Variants in DKK2 observed in about 807,000 individuals in gnomAD.
The protein encoded by DKK2 is dickkopf Wnt signaling pathway inhibitor 2.
In DKK2, 11 loss-of-function variants were observed where a neutral mutation model predicts 28.1. The observed-to-expected ratio is 0.39, with a 90% CI of 0.25 to 0.65. DKK2 has a LOEUF of 0.65. DKK2 is among the 30% of genes least tolerant of loss of function. DKK2 has a pLI of 0.47. For missense variants in DKK2, 326 were observed against 335.5 expected (o/e 0.97, Z 0.22); for synonymous variants, 135 against 126.5 (o/e 1.07, Z -0.45).
intron 1 of DKK2, among the ~76,000 whole-genome samples, chr4:106,961,807 C>A (rs1722689073): frequency 6.6e-6 from 1 of 152,128 alleles, no homozygotes; most frequent in South Asian, 2.1e-4. Context: ...AGTTACCGCA[C>A]CTCTCTGTGC....
intron 1 of DKK2, among the ~76,000 whole-genome samples, chr4:106,957,979 A>T (rs1197695264): frequency 6.7e-6 from 1 of 150,360 alleles, no homozygotes; most frequent in East Asian, 1.9e-4. Context: ...TTTTTCCAAG[A>T]GTAATAATTC....
At chr4:106,968,594 T>C (rs1722817775) in intron 1 of DKK2, among the ~76,000 whole-genome samples, 1 of 141,940 alleles carries the variant, frequency 7.0e-6, no homozygotes, top group Non-Finnish European at 1.5e-5. Context: ...CTTAAAATTA[T>C]TGCAAACATT....
intron 1 of DKK2, among the ~76,000 whole-genome samples, chr4:107,023,962 G>A (rs1723733418): frequency 6.6e-6 from 1 of 152,032 alleles, no homozygotes; most frequent in Non-Finnish European, 1.5e-5. Flanking sequence ...TTTGATGCTT[G>A]TGTAACAATA....
At chr4:107,003,445 C>G (rs1422844731) in intron 1 of DKK2, among the ~76,000 whole-genome samples, 5 of 152,228 alleles carry the variant, frequency 3.3e-5, no homozygotes, top group Admixed American at 2.6e-4. Flanking sequence ...AGACTGGTCT[C>G]TAATTTGCAC....
intron 1 of DKK2, among the ~76,000 whole-genome samples, chr4:107,015,600 T>C (rs1578379312): frequency 6.6e-6 from 1 of 151,782 alleles, no homozygotes; most frequent in Admixed American, 6.6e-5. Context: ...AATTAATTTT[T>C]GTATGTAGTA....
chr4:106,960,671 A>T (rs1722673298), intron 1 of DKK2, among the ~76,000 whole-genome samples: 1 of 152,182 alleles, frequency 6.6e-6, no homozygotes, highest in Admixed American at 6.5e-5. Context: ...TAGCTCTAAG[A>T]CACACTGCCT....
chr4:106,965,393 A>C (rs1310581052), intron 1 of DKK2, among the ~76,000 whole-genome samples: 4 of 152,158 alleles, frequency 2.6e-5, no homozygotes, highest in African/African-American at 9.6e-5. Context: ...TAAGTTTCTC[A>C]AGAATGTCAA....
At chr4:106,937,579 A>T (rs576154351) in intron 1 of DKK2, among the ~76,000 whole-genome samples, 1 of 151,896 alleles carries the variant, frequency 6.6e-6, no homozygotes, top group African/African-American at 2.4e-5. Flanking sequence ...GTCAACAAGG[A>T]TACCCAAGAA....
chr4:107,010,186 T>C (rs1394501123), intron 1 of DKK2, among the ~76,000 whole-genome samples: 1 of 151,752 alleles, frequency 6.6e-6, no homozygotes, highest in Non-Finnish European at 1.5e-5. Flanking sequence ...TTTATACTCA[T>C]AGTATGTGAT....
intron 1 of DKK2, among the ~76,000 whole-genome samples, chr4:107,025,346 G>T (rs568504999): frequency 2.6e-4 from 40 of 152,214 alleles, no homozygotes; most frequent in Admixed American, 2.2e-3. Flanking sequence ...TTTTTTTAAA[G>T]ATAGAACAGA....
chr4:107,001,433 C>T (rs1723357957), intron 1 of DKK2, among the ~76,000 whole-genome samples: 1 of 152,166 alleles, frequency 6.6e-6, no homozygotes. Flanking sequence ...AGGCTTTTCT[C>T]TTCTAAGAAT....
rs577393763 is a variant in DKK2 at position 106,938,778 on chromosome 4, T to G, written c.223-12829A>C. Among the ~76,000 whole-genome samples the G allele has an allele frequency of 2.2e-4, 33 of 151,922 alleles. No homozygotes were observed. The East Asian group carries it at 6.2e-3, about 29-fold the overall frequency. Reference sequence around the variant, plus strand: ...CTTATTCACCATGATCAAGTGGGCTTCATCCCTGGGATGCAAGGCTGGTTC... The same window carrying G: ...CTTATTCACCATGATCAAGTGGGCTGCATCCCTGGGATGCAAGGCTGGTTC... On this transcript the variant is annotated intron_variant, in intron 1 of 3. Transcript: ENST00000285311.
rs1394904068 is a variant in DKK2, at chr4:106,948,327, CTA to C, written c.223-22380_223-22379del. On this transcript the variant is annotated intron_variant, in intron 1 of 3. Transcript: ENST00000285311. ...GTAGGTCTGTGTGGGGCCTGAAAAT[CTA>C]TGTTTCCAAGTGATACCAATGTTTC... is the stretch of plus-strand genomic sequence containing the variant. 5.3e-5 allele frequency among the ~76,000 whole-genome samples: 8 copies of C among 152,140 alleles called. No individual in the cohort carries two copies. The South Asian group carries it at 1.0e-3, about 20-fold the overall frequency.
chr4:107,022,191 C>T (rs370896616), intron 1 of DKK2, among the ~76,000 whole-genome samples: 3 of 152,092 alleles, frequency 2.0e-5, no homozygotes, highest in Admixed American at 6.6e-5. Flanking sequence ...TAGACAATTT[C>T]TGGGAACCTC....
At chr4:106,932,252 C>A (rs1354830062) in intron 1 of DKK2, among the ~76,000 whole-genome samples, 1 of 152,122 alleles carries the variant, frequency 6.6e-6, no homozygotes, top group South Asian at 2.1e-4. Context: ...ATCTGAATTA[C>A]AAATTAGGAA....
At chr4:107,031,729 G>A (rs4956283) in intron 1 of DKK2, among the ~76,000 whole-genome samples, 60,625 of 151,804 alleles carry the variant, frequency 0.4, 13,214 homozygotes, top group Non-Finnish European at 0.51. Flanking sequence ...GCCCGTCTCA[G>A]AAAGACAAAA....
chr4:107,007,171 A>G (rs1429326237), intron 1 of DKK2, among the ~76,000 whole-genome samples: 1 of 152,134 alleles, frequency 6.6e-6, no homozygotes, highest in Non-Finnish European at 1.5e-5. Flanking sequence ...TTGAATTTAT[A>G]AAGCATAGGT....
chr4:106,929,459 C>T (rs574115898), intron 1 of DKK2, among the ~76,000 whole-genome samples: 85 of 152,270 alleles, frequency 5.6e-4, no homozygotes, highest in Non-Finnish European at 8.2e-4. Flanking sequence ...TAGCTTCATG[C>T]AGAATCATTC....
In DKK2 at chr4:107,015,583, C is replaced by T. The variant is rs111766281; in HGVS notation, c.222+19787G>A. Among the ~76,000 whole-genome samples, 13 of 151,796 alleles carry T rather than the reference C, an allele frequency of 8.6e-5. 1 individual carries two copies. The highest frequency in any genetic ancestry group is 2.9e-4 in the African/African-American group (12 of 41,510). ...TATTCTTACCTTTAAAACACTAATT[C>T]ATTGGAAATTAATTTTTGTATGTAG... On this transcript the variant is annotated intron_variant, in intron 1 of 3. Transcript: ENST00000285311.
Sources: gnomAD v4.1 joint callset for allele counts (sites outside exome capture counted in the v4.1 genomes callset) on GRCh38, gnomAD v4.1.1 for gene constraint, MANE v1.5 for transcripts, NCBI Gene and HGNC (gene_info 2026-07-23, HGNC 2026-07-21) for gene names.